The following XKR4 variants were observed in gnomAD, a reference collection of about 807,000 sequenced individuals.
XKR4 encodes the protein XK related 4.
A neutral mutation model predicts 53.9 loss-of-function variants in XKR4; 12 were observed. That is an observed-to-expected ratio of 0.22 (90% CI 0.14 to 0.36). XKR4 has a LOEUF of 0.36. XKR4 is among the 10% of genes least tolerant of loss of function. The pLI is 1.00. For missense variants in XKR4, 799 were observed against 859.5 expected (o/e 0.93, Z 0.88); for synonymous variants, 354 against 362.4 (o/e 0.98, Z 0.26).
At chr8:55,209,580 T>G (rs1362865600) in intron 1 of XKR4, among the ~76,000 whole-genome samples, 2 of 152,206 alleles carry the variant, frequency 1.3e-5, no homozygotes, top group Non-Finnish European at 2.9e-5. Context: ...TTCCACACAC[T>G]GCTGTGGTGT....
chr8:55,426,811 A>T (rs1318635187), intron 2 of XKR4, among the ~76,000 whole-genome samples: 1 of 152,254 alleles, frequency 6.6e-6, no homozygotes, highest in Non-Finnish European at 1.5e-5. Flanking sequence ...GAAGTTAAGC[A>T]GTTGAATACA....
In XKR4 at chr8:55,477,042, G is replaced by A. The variant is rs531336880; in HGVS notation, c.1007-46239G>A. ...TCCCTGTCTGACAGCTTTGAAGAGA[G>A]TATTGGTTCTCCCAGCACGCAGCTT... On this transcript the variant is annotated intron_variant, in intron 2 of 2. Coordinates refer to ENST00000327381, the MANE Select transcript of XKR4 (RefSeq NM_052898.2). Among the ~76,000 whole-genome samples, 37 of 152,258 alleles carry A rather than the reference G, an allele frequency of 2.4e-4. 2 individuals are homozygous for A. In the South Asian group the frequency reaches 7.1e-3, roughly 29 times the overall value.
At chr8:55,423,620 G>A (rs986695783) in intron 2 of XKR4, among the ~76,000 whole-genome samples, 2 of 152,158 alleles carry the variant, frequency 1.3e-5, no homozygotes, top group Admixed American at 6.5e-5. Flanking sequence ...TTCTATGCAC[G>A]ACAGTATGAG....
At chr8:55,521,806 C>T (rs150660624) in intron 2 of XKR4, among the ~76,000 whole-genome samples, 77 of 152,236 alleles carry the variant, frequency 5.1e-4, no homozygotes, top group African/African-American at 1.8e-3. Context: ...TTTCAAGGAT[C>T]ATAGACAACA....
At chr8:55,513,352 G>A (rs1306422871) in intron 2 of XKR4, among the ~76,000 whole-genome samples, 1 of 152,154 alleles carries the variant, frequency 6.6e-6, no homozygotes, top group Admixed American at 6.5e-5. Flanking sequence ...GACTACAAAG[G>A]CACCTTAGGG....
intron 2 of XKR4, chr8:55,451,401 T>C: frequency 1.1e-6 from 1 of 897,418 alleles, no homozygotes; most frequent in South Asian, 1.5e-5. Context: ...GTGTGTTGCG[T>C]CCGGACGCAC....
At chr8:55,435,714 A>C (rs1805166802) in intron 2 of XKR4, among the ~76,000 whole-genome samples, 1 of 151,614 alleles carries the variant, frequency 6.6e-6, no homozygotes. Context: ...GACCCCAGGC[A>C]TATGCCACCA....
At chr8:55,364,878 G>A (rs113188212) in intron 2 of XKR4, among the ~76,000 whole-genome samples, 14 of 151,916 alleles carry the variant, frequency 9.2e-5, no homozygotes, top group African/African-American at 3.1e-4. Context: ...TGCCCACCTC[G>A]GCCACCCAAA....
At chr8:55,521,480 C>T (rs569859812) in intron 2 of XKR4, among the ~76,000 whole-genome samples, 15 of 152,178 alleles carry the variant, frequency 9.9e-5, no homozygotes, top group Non-Finnish European at 2.2e-4. Context: ...TCAGAAACTC[C>T]TTTGTATACT....
rs144170541 is a variant in XKR4, at chr8:55,135,598, C to T, written c.806+32304C>T. Reference sequence around the variant, plus strand: ...TATTGCTTTCTGCTTTCTCTGTCATCGGAGCTGTCTACTGAGGAAAAGCCA... The same window carrying T: ...TATTGCTTTCTGCTTTCTCTGTCATTGGAGCTGTCTACTGAGGAAAAGCCA... On this transcript the variant is annotated intron_variant, in intron 1 of 2. Transcript: ENST00000327381. 280 of 456,068 alleles carry T rather than the reference C, an allele frequency of 6.1e-4. 4 individuals are homozygous for T. The highest frequency in any genetic ancestry group is 3.3e-3 in the African/African-American group (166 of 50,184). The allele number at this position is 456,068 out of a possible 1,614,324, so 28.3% of individuals were successfully genotyped here.
chr8:55,423,078 A>G (rs566146480), intron 2 of XKR4, among the ~76,000 whole-genome samples: 18 of 151,960 alleles, frequency 1.2e-4, no homozygotes, highest in South Asian at 1.0e-3. Context: ...CTTGAAAGTT[A>G]TCGTAAAGCC....
intron 1 of XKR4, among the ~76,000 whole-genome samples, chr8:55,103,570 C>G (rs957757169): frequency 1.3e-5 from 2 of 152,056 alleles, no homozygotes; most frequent in Non-Finnish European, 2.9e-5. Context: ...GCTTCTTGCT[C>G]TTGGCATGCC....
Position 55,399,460 on chromosome 8 carries a change from G to A in XKR4, c.1006+41583G>A, listed in dbSNP as rs934847765. ...TTACAATAACTGTGTGAGCAGAATA[G>A]TCCCCATAATCTTGATTTCTACCTG... is the stretch of plus-strand genomic sequence containing the variant. On this transcript the variant is annotated intron_variant, in intron 2 of 2. Transcript: ENST00000327381. Among the ~76,000 whole-genome samples, 5 of 152,200 alleles carry A rather than the reference G, an allele frequency of 3.3e-5. No individual in the cohort carries two copies. In the South Asian group the frequency reaches 1.0e-3, roughly 31 times the overall value.
At chr8:55,243,444 C>T (rs1050488187) in intron 1 of XKR4, among the ~76,000 whole-genome samples, 1 of 152,146 alleles carries the variant, frequency 6.6e-6, no homozygotes, top group African/African-American at 2.4e-5. Flanking sequence ...CTTTCTTTAA[C>T]TATTAATATG....
chr8:55,413,427 G>C (rs1402185916), intron 2 of XKR4, among the ~76,000 whole-genome samples: 1 of 152,084 alleles, frequency 6.6e-6, no homozygotes, highest in Non-Finnish European at 1.5e-5. Context: ...GGTTTCACCA[G>C]ATTGGCCAGG....
In XKR4 at chr8:55,534,360, A is replaced by ATTTTTTTTT. The variant is rs1563375592; in HGVS notation, c.*10135_*10136insTTTTTTTTT. ...CGAGCTCAAAGATCACGAATCTGAT[A>ATTTTTTTTT]TTCTTTTTTTTTTTTTTTTTTTTTT... On this transcript the variant is annotated 3_prime_UTR_variant, in exon 3 of 3. Coordinates refer to ENST00000327381, the MANE Select transcript of XKR4 (RefSeq NM_052898.2). The ATTTTTTTTT allele has an allele frequency of 2.6e-5, 1 of 38,852 alleles. No homozygotes were observed. Among genetic ancestry groups the ATTTTTTTTT allele is most frequent in the Non-Finnish European group, 5.9e-5 (1 of 16,974 alleles). 2.4% of individuals were successfully genotyped at this position (38,852 alleles called of 1,614,324 possible). A position where few individuals can be genotyped will look rare whatever the true frequency, so the allele number is the denominator to read the frequency against.
At chr8:55,368,715 A>C (rs1332042584) in intron 2 of XKR4, among the ~76,000 whole-genome samples, 1 of 152,218 alleles carries the variant, frequency 6.6e-6, no homozygotes, top group African/African-American at 2.4e-5. Context: ...TGAAGCAAGA[A>C]GTATAGGAAA....
chr8:55,159,816 T>G (rs1816959933), intron 1 of XKR4, among the ~76,000 whole-genome samples: 1 of 152,178 alleles, frequency 6.6e-6, no homozygotes, highest in South Asian at 2.1e-4. Context: ...AGAAAAGGAC[T>G]AGCTAGAGAT....
At chr8:55,316,042 A>T (rs1212096385) in intron 1 of XKR4, among the ~76,000 whole-genome samples, 1 of 152,218 alleles carries the variant, frequency 6.6e-6, no homozygotes, top group Non-Finnish European at 1.5e-5. Flanking sequence ...CCTACACCGT[A>T]AAAAATCATT....
Sources: gnomAD v4.1 joint callset for allele counts (sites outside exome capture counted in the v4.1 genomes callset) on GRCh38, gnomAD v4.1.1 for gene constraint, MANE v1.5 for transcripts, NCBI Gene and HGNC (gene_info 2026-07-23, HGNC 2026-07-21) for gene names.